COL19A1: variants seen among roughly 807,000 people sequenced by gnomAD.
The protein encoded by COL19A1 is collagen alpha-1(XIX) chain.
In COL19A1, 159 loss-of-function variants were observed where a neutral mutation model predicts 190.2. The ratio of observed to expected loss-of-function variants is 0.84; its 90% confidence interval spans 0.73 to 0.95. The LOEUF (loss-of-function observed/expected upper bound fraction) is 0.95, where lower values mean the gene tolerates loss of function less well. Ranked by LOEUF, COL19A1 falls within the 40% of genes least tolerant of loss-of-function variation. The probability of loss-of-function intolerance (pLI) is 0.00; values close to 1 mark genes in which losing one functional copy is unlikely to be tolerated. For missense variants in COL19A1, 1,418 were observed against 1,431.9 expected (o/e 0.99, Z 0.16); for synonymous variants, 509 against 458.9 (o/e 1.11, Z -1.39).
chr6:70,192,477 T>C (rs1198939799), intron 48 of COL19A1, among the ~76,000 whole-genome samples: 1 of 130,638 alleles, frequency 7.7e-6, no homozygotes, highest in Non-Finnish European at 1.7e-5. Flanking sequence ...CTTTCTTTCT[T>C]TATTTCTCTC....
intron 8 of COL19A1, among the ~76,000 whole-genome samples, chr6:69,937,593 G>C (rs1562015373): frequency 6.6e-6 from 1 of 152,142 alleles, no homozygotes; most frequent in Non-Finnish European, 1.5e-5. Flanking sequence ...AGTTTCTAGA[G>C]CAGAGTGTGC....
chr6:69,919,243 AATT>A (rs1771529122), intron 4 of COL19A1, among the ~76,000 whole-genome samples: 1 of 152,180 alleles, frequency 6.6e-6, no homozygotes, highest in Non-Finnish European at 1.5e-5. Flanking sequence ...GGTGAGAATT[AATT>A]ATTACATAGT....
chr6:70,204,959 G>C (rs1446523559), intron 49 of COL19A1, among the ~76,000 whole-genome samples: 1 of 152,036 alleles, frequency 6.6e-6, no homozygotes, highest in Non-Finnish European at 1.5e-5. Context: ...TTTTCCTGCT[G>C]TTCACATACG....
chr6:70,005,825 G>A (rs117783325), intron 11 of COL19A1, among the ~76,000 whole-genome samples: 1,793 of 152,108 alleles, frequency 0.012, 27 homozygotes, highest in Non-Finnish European at 0.016. Flanking sequence ...CATGCCCAGG[G>A]AGATCCAGGT....
At chr6:70,125,409 G>A (rs568965815) in intron 17 of COL19A1, among the ~76,000 whole-genome samples, 5 of 152,114 alleles carry the variant, frequency 3.3e-5, no homozygotes, top group African/African-American at 9.6e-5. Flanking sequence ...TCCTCATTCC[G>A]AGCTCAGAGA....
intron 15 of COL19A1, among the ~76,000 whole-genome samples, chr6:70,070,292 A>G (rs1781470882): frequency 6.6e-6 from 1 of 152,154 alleles, no homozygotes; most frequent in Non-Finnish European, 1.5e-5. Flanking sequence ...TTCCATGATA[A>G]TAAAGAAGGA....
At chr6:70,098,867 C>T (rs1263123169) in intron 15 of COL19A1, among the ~76,000 whole-genome samples, 2 of 151,692 alleles carry the variant, frequency 1.3e-5, no homozygotes, top group African/African-American at 4.8e-5. Flanking sequence ...CCTAGGGGTC[C>T]TTGGAGAGAA....
At chr6:69,941,012 C>T (rs1005049905) in intron 9 of COL19A1, among the ~76,000 whole-genome samples, 5 of 152,154 alleles carry the variant, frequency 3.3e-5, no homozygotes, top group Admixed American at 3.3e-4. Context: ...ATAATGCCTA[C>T]ATAACTTGAA....
intron 15 of COL19A1, among the ~76,000 whole-genome samples, chr6:70,074,135 A>G (rs982805651): frequency 1.3e-5 from 2 of 152,204 alleles, no homozygotes; most frequent in Non-Finnish European, 2.9e-5. Context: ...TGCTCTATGA[A>G]AACTTTGTAG....
At chr6:69,931,152 G>A (rs994410906) in intron 6 of COL19A1, among the ~76,000 whole-genome samples, 1 of 152,032 alleles carries the variant, frequency 6.6e-6, no homozygotes, top group Non-Finnish European at 1.5e-5. Context: ...TGGGCTGTGT[G>A]TTATTGAAAA....
At chr6:69,887,486 C>T (rs769104025) in intron 2 of COL19A1, among the ~76,000 whole-genome samples, 14 of 152,070 alleles carry the variant, frequency 9.2e-5, no homozygotes, top group Non-Finnish European at 1.3e-4. Flanking sequence ...TATTTATACC[C>T]CTGTGTAACT....
chr6:69,932,773 T>A lies in COL19A1; in HGVS notation c.667-10T>A. The A allele has an allele frequency of 6.4e-7, 1 of 1,556,060 alleles. No homozygotes were observed. Among genetic ancestry groups the A allele is most frequent in the Non-Finnish European group, 8.8e-7 (1 of 1,136,768 alleles). ...ACTAAAGATGTTTCTTATTACTAAT[T>A]TTTTCATAGATTGAACTTCACCAAC... On this transcript the variant is annotated splice_polypyrimidine_tract_variant and intron_variant, in intron 6 of 50. Coordinates refer to ENST00000620364, the MANE Select transcript of COL19A1 (RefSeq NM_001858.6).
chr6:69,912,883 T>A (rs1276924980), intron 4 of COL19A1, among the ~76,000 whole-genome samples: 1 of 151,962 alleles, frequency 6.6e-6, no homozygotes, highest in Non-Finnish European at 1.5e-5. Context: ...AGCCCAGGAG[T>A]TCGAGATCAG....
At chr6:70,005,682 G>T (rs1340882680) in intron 11 of COL19A1, among the ~76,000 whole-genome samples, 1 of 152,178 alleles carries the variant, frequency 6.6e-6, no homozygotes, top group Non-Finnish European at 1.5e-5. Context: ...TTTGTCCCTT[G>T]GTGGAGGGGG....
chr6:69,880,019 A>G (rs888662044), intron 2 of COL19A1: 13 of 292,540 alleles, frequency 4.4e-5, no homozygotes, highest in African/African-American at 2.6e-4. Context: ...TAGGATTAAC[A>G]AGGACATATC....
chr6:70,050,116 G>A (rs982125605), intron 14 of COL19A1, among the ~76,000 whole-genome samples: 3 of 151,992 alleles, frequency 2.0e-5, no homozygotes, highest in African/African-American at 7.2e-5. Context: ...TATAAAATGT[G>A]ATACTAATAT....
At chr6:70,165,598 T>A (rs1765098982) in intron 36 of COL19A1, among the ~76,000 whole-genome samples, 1 of 152,212 alleles carries the variant, frequency 6.6e-6, no homozygotes, top group Non-Finnish European at 1.5e-5. Context: ...GCCCACTGCC[T>A]GCTTGTAGGA....
At chr6:70,172,142 T>A in intron 41 of COL19A1, 125 bp downstream of exon 41, 1 of 722,692 alleles carries the variant, frequency 1.4e-6, no homozygotes. Context: ...CAAAAATGTA[T>A]GTACTCATGG....
intron 11 of COL19A1, among the ~76,000 whole-genome samples, chr6:69,973,246 C>T (rs551331674): frequency 3.9e-5 from 6 of 152,114 alleles, no homozygotes; most frequent in Non-Finnish European, 7.4e-5. Context: ...CAGGTTTCTA[C>T]TCTTAGCTTT....
Sources: gnomAD v4.1 joint callset for allele counts (sites outside exome capture counted in the v4.1 genomes callset) on GRCh38, gnomAD v4.1.1 for gene constraint, MANE v1.5 for transcripts, NCBI Gene and HGNC (gene_info 2026-07-23, HGNC 2026-07-21) for gene names.